The following NEK10 variants were observed in gnomAD, a reference collection of about 807,000 sequenced individuals.
NEK10 encodes the protein serine/threonine-protein kinase Nek10.
NEK10 carries 122 observed loss-of-function variants against 159.8 expected under a neutral mutation model. The observed-to-expected ratio is 0.76, with a 90% CI of 0.66 to 0.89. NEK10 has a LOEUF of 0.89. Ranked by LOEUF, NEK10 falls within the 40% of genes least tolerant of loss-of-function variation. The probability of loss-of-function intolerance (pLI) is 0.00; values close to 1 mark genes in which losing one functional copy is unlikely to be tolerated. For missense variants in NEK10, 1,342 were observed against 1,323.1 expected, an observed-to-expected ratio of 1.01 and a Z score of -0.22; for synonymous variants, 466 against 457.1, an observed-to-expected ratio of 1.02 and a Z score of -0.25.
chr3:27,272,528 T>C (rs2041445723), intron 22 of NEK10, among the ~76,000 whole-genome samples: 1 of 152,222 alleles, frequency 6.6e-6, no homozygotes, highest in Non-Finnish European at 1.5e-5. Flanking sequence ...TAATCCATCC[T>C]ACAGGGTATT....
intron 1 of NEK10, chr3:27,367,703 C>G (rs1229849369): frequency 6.6e-6 from 1 of 152,130 alleles, no homozygotes; most frequent in Admixed American, 6.5e-5. Flanking sequence ...GTGACTGAGA[C>G]AAAGATGGTC....
chr3:27,185,814 T>C (rs1374742733), intron 26 of NEK10, among the ~76,000 whole-genome samples: 2 of 152,168 alleles, frequency 1.3e-5, no homozygotes, highest in African/African-American at 2.4e-5. Context: ...AGAGGTGATA[T>C]ACTGACTGAA....
chr3:27,298,092 C>T (rs1844984), intron 13 of NEK10, among the ~76,000 whole-genome samples: 34,268 of 152,064 alleles, frequency 0.23, 4,343 homozygotes, highest in Middle Eastern at 0.37. Flanking sequence ...AACTCAGACC[C>T]TACTCTTAAC....
intron 22 of NEK10, among the ~76,000 whole-genome samples, chr3:27,281,779 G>A (rs1373178053): frequency 6.6e-6 from 1 of 152,074 alleles, no homozygotes; most frequent in Non-Finnish European, 1.5e-5. Flanking sequence ...TGGCTGTGCA[G>A]CAGGCCTAAA....
At chr3:27,201,252 G>A (rs955497875) in intron 25 of NEK10, among the ~76,000 whole-genome samples, 4 of 152,116 alleles carry the variant, frequency 2.6e-5, no homozygotes, top group Admixed American at 1.3e-4. Context: ...ATATCATAAT[G>A]TGTTTTACAG....
At chr3:27,289,044 G>T (rs146038637) in intron 19 of NEK10, among the ~76,000 whole-genome samples, 19 of 152,260 alleles carry the variant, frequency 1.2e-4, no homozygotes, top group African/African-American at 4.3e-4. Flanking sequence ...TAAACCTTGG[G>T]AATAGCCCTC....
At chr3:27,149,495 A>G (rs1944623016) in intron 30 of NEK10, among the ~76,000 whole-genome samples, 1 of 152,160 alleles carries the variant, frequency 6.6e-6, no homozygotes, top group East Asian at 1.9e-4. Flanking sequence ...GCAATATTTC[A>G]AACATTTTCA....
At chr3:27,294,539 A>G (rs1288845528) in intron 15 of NEK10, among the ~76,000 whole-genome samples, 1 of 152,120 alleles carries the variant, frequency 6.6e-6, no homozygotes, top group Non-Finnish European at 1.5e-5. Context: ...TCTCTGCAGG[A>G]TGGGTTTGTC....
chr3:27,281,100 T>C (rs1294070716), intron 22 of NEK10, among the ~76,000 whole-genome samples: 2 of 151,760 alleles, frequency 1.3e-5, no homozygotes. Context: ...AATATGATAA[T>C]ATAAATTTAA....
intron 30 of NEK10, among the ~76,000 whole-genome samples, chr3:27,148,464 A>G (rs1266183449): frequency 6.6e-6 from 1 of 152,178 alleles, no homozygotes; most frequent in Admixed American, 6.5e-5. Flanking sequence ...GGTATGGCTC[A>G]TGTGCAACAG....
chr3:27,363,635 A>G (rs939692618), intron 1 of NEK10: 2 of 152,218 alleles, frequency 1.3e-5, no homozygotes, highest in Non-Finnish European at 2.9e-5. Context: ...AATACAAGGA[A>G]GCCACAAAGA....
intron 29 of NEK10, among the ~76,000 whole-genome samples, chr3:27,167,987 G>A (rs552856498): frequency 1.9e-4 from 29 of 152,232 alleles, no homozygotes; most frequent in East Asian, 5.8e-4. Flanking sequence ...TAGTTTTTCC[G>A]CAAGCAATTG....
chr3:27,136,397 C>T (rs1943221515), intron 31 of NEK10, among the ~76,000 whole-genome samples: 1 of 152,066 alleles, frequency 6.6e-6, no homozygotes, highest in South Asian at 2.1e-4. Flanking sequence ...CAGGCGTGAG[C>T]CACCGCGCCC....
At chr3:27,241,683 T>A (rs193210701) in intron 23 of NEK10, among the ~76,000 whole-genome samples, 1 of 152,300 alleles carries the variant, frequency 6.6e-6, no homozygotes, top group Admixed American at 6.5e-5. Context: ...TAGGATCACC[T>A]CCAGAATAAA....
intron 5 of NEK10, 119 bp downstream of exon 5, chr3:27,344,153 C>T: frequency 1.8e-6 from 1 of 544,310 alleles, no homozygotes; most frequent in African/African-American, 1.9e-5. Flanking sequence ...TCATTTGCCT[C>T]CTTCTTTCCT....
intron 23 of NEK10, chr3:27,252,299 A>G: frequency 2.2e-6 from 1 of 461,550 alleles, no homozygotes; most frequent in South Asian, 1.6e-5. Context: ...CTCTCTACAT[A>G]AGTGGCATTT....
chr3:27,353,935 G>A (rs2048150148), intron 1 of NEK10, among the ~76,000 whole-genome samples: 2 of 152,098 alleles, frequency 1.3e-5, no homozygotes, highest in Non-Finnish European at 2.9e-5. Context: ...GGAGAGAAGG[G>A]GAGGTAAAAA....
Position 27,212,740 on chromosome 3 carries a change from G to C in NEK10, c.2091-10183C>G, listed in dbSNP as rs531845687. On this transcript the variant is annotated intron_variant, in intron 23 of 35. Coordinates refer to ENST00000691995, the MANE Select transcript of NEK10 (RefSeq NM_001394966.1). The stretch of plus-strand genomic sequence containing the variant: ...AGGGGTGAAAACATGGGGAACCCAG[G>C]GCTTGAGTATGTTTGACAGTGACTG... Among the ~76,000 whole-genome samples, 5 of 152,338 alleles carry C rather than the reference G, an allele frequency of 3.3e-5. No homozygotes were observed. The East Asian group carries it at 9.6e-4, about 29-fold the overall frequency.
chr3:27,263,011 CTGTT>C (rs1327582256), intron 22 of NEK10, among the ~76,000 whole-genome samples: 7 of 152,110 alleles, frequency 4.6e-5, no homozygotes, highest in Admixed American at 1.3e-4. Flanking sequence ...TGTGGATGTC[CTGTT>C]TGTTAGTTTT....
Sources: gnomAD v4.1 joint callset for allele counts (sites outside exome capture counted in the v4.1 genomes callset) on GRCh38, gnomAD v4.1.1 for gene constraint, MANE v1.5 for transcripts, NCBI Gene and HGNC (gene_info 2026-07-23, HGNC 2026-07-21) for gene names.